The following ADGB variants were observed in gnomAD, a reference collection of about 807,000 sequenced individuals.
The protein encoded by ADGB is calpain-7-like protein.
Under a neutral mutation model 210.5 loss-of-function variants are expected in ADGB, and 172 were observed. The observed-to-expected ratio is 0.82, with a 90% CI of 0.72 to 0.93. The LOEUF is 0.93. ADGB is among the 40% of genes least tolerant of loss of function. The probability of loss-of-function intolerance (pLI) is 0.00; values close to 1 mark genes in which losing one functional copy is unlikely to be tolerated. For synonymous variants in ADGB, 658 were observed against 662.7 expected (o/e 0.99, Z 0.11); for missense variants, 2,025 against 1,964.8 (o/e 1.03, Z -0.58).
intron 32 of ADGB, among the ~76,000 whole-genome samples, chr6:146,786,200 TATATTTAAGTATATATTATA>T (rs1348859242): frequency 6.8e-6 from 1 of 147,950 alleles, no homozygotes; most frequent in Non-Finnish European, 1.5e-5. Flanking sequence ...TTATATTATA[TATATTTAAGTATATATTATA>T]ATATTATTCC....
chr6:146,716,950 A>G lies in ADGB; in HGVS notation c.1809A>G (p.Arg603=), dbSNP rs997366971. 6.4e-7 allele frequency: 1 copy of G among 1,551,646 alleles called. No homozygotes were observed. The change falls in exon 15 of 36, where the codon AGA becomes AGG. Residue 603 remains arginine, a synonymous_variant. Coordinates refer to ENST00000397944, the MANE Select transcript of ADGB (RefSeq NM_024694.4). ...AHQSDGLNLE[R]EIVSQTTATQ... The stretch of plus-strand genomic sequence containing the variant: ...AGAGTGATGGATTAAACTTGGAAAG[A>G]GAGATAGTCAGCCAGACCACAGCAA...
At chr6:146,633,218 T>A (rs1234989841) in intron 1 of ADGB, among the ~76,000 whole-genome samples, 1 of 152,194 alleles carries the variant, frequency 6.6e-6, no homozygotes, top group Non-Finnish European at 1.5e-5. Flanking sequence ...TCTTAAAGTA[T>A]ATGCAGAATC....
intron 25 of ADGB, 101 bp from the exon 26 acceptor site, chr6:146,745,821 G>A: frequency 1.2e-6 from 1 of 857,738 alleles, no homozygotes; most frequent in Non-Finnish European, 1.7e-6. Flanking sequence ...GGGACCTGTA[G>A]GTATATCATA....
intron 9 of ADGB, among the ~76,000 whole-genome samples, chr6:146,684,979 T>G (rs1776204190): frequency 1.3e-5 from 2 of 152,082 alleles, no homozygotes; most frequent in African/African-American, 4.8e-5. Context: ...TAATTTATGT[T>G]CTGTGGTCTT....
intron 33 of ADGB, among the ~76,000 whole-genome samples, chr6:146,797,228 A>T (rs557968944): frequency 1.3e-5 from 2 of 152,320 alleles, no homozygotes; most frequent in African/African-American, 4.8e-5. Context: ...ATGAAAAGGG[A>T]AGACTTTTAT....
At chr6:146,715,782 T>C (rs1221562211) in intron 14 of ADGB, among the ~76,000 whole-genome samples, 1 of 152,120 alleles carries the variant, frequency 6.6e-6, no homozygotes, top group Admixed American at 6.5e-5. Context: ...TTAAGAATGC[T>C]ATGCCGGCCA....
At chr6:146,763,310 G>A (rs1341948782) in intron 27 of ADGB, among the ~76,000 whole-genome samples, 1 of 152,108 alleles carries the variant, frequency 6.6e-6, no homozygotes, top group East Asian at 1.9e-4. Context: ...GTCATGGCTG[G>A]AATTAGAATA....
intron 7 of ADGB, among the ~76,000 whole-genome samples, chr6:146,667,212 A>C (rs1455612018): frequency 6.6e-6 from 1 of 151,988 alleles, no homozygotes; most frequent in Non-Finnish European, 1.5e-5. Context: ...ATCTACAACA[A>C]AGAACAGTCA....
chr6:146,702,442 C>T (rs554650628), intron 13 of ADGB, among the ~76,000 whole-genome samples: 2 of 151,906 alleles, frequency 1.3e-5, no homozygotes, highest in South Asian at 4.2e-4. Flanking sequence ...TGGCAATGAC[C>T]TTGAACAGTA....
At chr6:146,770,433 C>A in intron 29 of ADGB, 2 of 274,178 alleles carry the variant, frequency 7.3e-6, no homozygotes, top group Admixed American at 4.0e-5. Context: ...CATAGCAACG[C>A]ATCACACTGC....
intron 1 of ADGB, among the ~76,000 whole-genome samples, chr6:146,619,289 C>G (rs1780850235): frequency 6.6e-6 from 1 of 151,864 alleles, no homozygotes; most frequent in South Asian, 2.1e-4. Flanking sequence ...TTGTCATAGA[C>G]AGAATATTTG....
At position 146,782,733 on chromosome 6, in the gene ADGB, C is replaced by T. The variant is rs141452241; in HGVS notation, c.4035+541C>T. ...TTAAAGCGTCATTGGAAGGCTGGGACTCTATATACAGTCCAGAGGTTATGA... is the reference window on the plus strand; with the variant it reads ...TTAAAGCGTCATTGGAAGGCTGGGATTCTATATACAGTCCAGAGGTTATGA... On this transcript the variant is annotated intron_variant, in intron 30 of 35. Transcript: ENST00000397944. Among the ~76,000 whole-genome samples the T allele has an allele frequency of 2.0e-5, 3 of 152,194 alleles. No individual in the cohort carries two copies. The East Asian group carries it at 5.8e-4, about 29-fold the overall frequency.
At chr6:146,631,379 T>C (rs1429032559) in intron 1 of ADGB, among the ~76,000 whole-genome samples, 3 of 152,160 alleles carry the variant, frequency 2.0e-5, no homozygotes, top group Admixed American at 6.5e-5. Context: ...CAGACAGACA[T>C]TGAGCAGGAA....
chr6:146,721,596 G>C, intron 17 of ADGB, 91 bp downstream of exon 17: 9 of 275,886 alleles, frequency 3.3e-5, no homozygotes, highest in South Asian at 8.9e-5. Context: ...CCAGCACTTT[G>C]AGAGGCTGAG....
intron 9 of ADGB, among the ~76,000 whole-genome samples, chr6:146,685,063 A>G (rs1776206375): frequency 6.6e-6 from 1 of 152,050 alleles, no homozygotes; most frequent in South Asian, 2.1e-4. Context: ...AAAAAAATTT[A>G]ATTAAATATA....
intron 13 of ADGB, among the ~76,000 whole-genome samples, chr6:146,703,942 G>T (rs1583597646): frequency 6.6e-6 from 1 of 151,420 alleles, no homozygotes; most frequent in Non-Finnish European, 1.5e-5. Flanking sequence ...AATATACAAG[G>T]TTTCCCTTAT....
Position 146,635,331 on chromosome 6 carries a change from G to A in ADGB, c.75-44G>A, listed in dbSNP as rs963351654. On this transcript the variant is annotated intron_variant, in intron 1 of 35. Coordinates refer to ENST00000397944, the MANE Select transcript of ADGB (RefSeq NM_024694.4). ...AGTTAATCCAATATTTGATCTCAGAGATTTTAATTAAACCTAACCCACCCA... is the reference window on the plus strand; with the variant it reads ...AGTTAATCCAATATTTGATCTCAGAAATTTTAATTAAACCTAACCCACCCA... 5.2e-6 allele frequency: 7 copies of A among 1,351,442 alleles called. No homozygotes were observed. The African/African-American group carries it at 9.1e-5, about 18-fold the overall frequency. The allele number at this position is 1,351,442 out of a possible 1,614,324, so 83.7% of individuals were successfully genotyped here.
At chr6:146,699,339 C>T (rs1776454840) in intron 12 of ADGB, among the ~76,000 whole-genome samples, 1 of 152,062 alleles carries the variant, frequency 6.6e-6, no homozygotes, top group South Asian at 2.1e-4. Flanking sequence ...ACAAAGGTAA[C>T]GAGAATCCAG....
At chr6:146,778,960 C>CA (rs1330478314) in intron 29 of ADGB, among the ~76,000 whole-genome samples, 1 of 147,852 alleles carries the variant, frequency 6.8e-6, no homozygotes, top group Non-Finnish European at 1.5e-5. Flanking sequence ...AAGTCTGCAG[C>CA]AAAAAAAGTT....
Sources: gnomAD v4.1 joint callset for allele counts (sites outside exome capture counted in the v4.1 genomes callset) on GRCh38, gnomAD v4.1.1 for gene constraint, MANE v1.5 for transcripts, NCBI Gene and HGNC (gene_info 2026-07-23, HGNC 2026-07-21) for gene names.